The following COBL variants were observed in gnomAD, a reference collection of about 807,000 sequenced individuals.
COBL encodes the protein cordon-bleu WH2 repeat protein.
COBL carries 51 observed loss-of-function variants against 98.8 expected under a neutral mutation model. The observed-to-expected ratio is 0.52, with a 90% confidence interval of 0.41 to 0.65. The LOEUF is 0.65. COBL is among the 30% of genes least tolerant of loss of function. The pLI is 0.00. For missense variants in COBL, 1,617 were observed against 1,617.5 expected (o/e 1.00, Z 0.01); for synonymous variants, 634 against 651.7 (o/e 0.97, Z 0.41).
chr7:51,028,753 G>C lies in COBL; in HGVS notation c.2343C>G (p.Gly781=). ...CCCTGGCAGAGCTCTCTGAGGGTCG[G>C]CCCAGGTGTTTTTCCACAGAGTTGC... ...WRCNSVEKHL[G]RPSESSARGP... Residue 781 remains glycine, a synonymous_variant, in exon 10 of 13, where the codon GGC becomes GGG. Transcript: ENST00000265136. The C allele has an allele frequency of 6.2e-7, 1 of 1,614,186 alleles. No individual in the cohort carries two copies. Among genetic ancestry groups the C allele is most frequent in the Non-Finnish European group, 8.5e-7 (1 of 1,180,038 alleles).
At chr7:51,311,357 A>G (rs1169860930) in intron 1 of COBL, among the ~76,000 whole-genome samples, 1 of 152,212 alleles carries the variant, frequency 6.6e-6, no homozygotes, top group Non-Finnish European at 1.5e-5. Context: ...CTGGCTCAGA[A>G]GCACAGGGAT....
rs535829989 is a variant in COBL, at chr7:51,259,451, T to C, written c.42-39507A>G. The C allele has an allele frequency of 4.2e-5, 22 of 522,758 alleles. 1 individual carries two copies. The East Asian group carries it at 6.8e-4, about 16-fold the overall frequency. The allele number at this position is 522,758 out of a possible 1,614,324, so 32.4% of individuals were successfully genotyped here. A position where few individuals can be genotyped will look rare whatever the true frequency, so the allele number is the denominator to read the frequency against. Reference sequence around the variant, plus strand: ...GGTCTAGTTCAGCTGGTGGATGAGCTGATTGATGTGTTCACCCCGACAGCC... The same window carrying C: ...GGTCTAGTTCAGCTGGTGGATGAGCCGATTGATGTGTTCACCCCGACAGCC... On this transcript the variant is annotated intron_variant, in intron 1 of 12. Transcript: ENST00000265136.
chr7:51,207,106 A>G (rs1419100133), intron 2 of COBL, among the ~76,000 whole-genome samples: 1 of 152,230 alleles, frequency 6.6e-6, no homozygotes, highest in Non-Finnish European at 1.5e-5. Flanking sequence ...ATATATGTAT[A>G]TCAACATCAA....
intron 7 of COBL, among the ~76,000 whole-genome samples, chr7:51,045,103 G>A (rs541022188): frequency 2.0e-4 from 30 of 152,176 alleles, no homozygotes; most frequent in Non-Finnish European, 3.7e-4. Context: ...GACAAATATT[G>A]AGAAGAAACG....
chr7:51,239,672 T>C (rs142848176), intron 1 of COBL, among the ~76,000 whole-genome samples: 1 of 152,328 alleles, frequency 6.6e-6, no homozygotes, highest in Non-Finnish European at 1.5e-5. Flanking sequence ...GAACCTTTTC[T>C]TGGGGTTTGG....
chr7:51,224,363 T>C (rs1554437033), intron 1 of COBL, among the ~76,000 whole-genome samples: 1 of 80,978 alleles, frequency 1.2e-5, no homozygotes, highest in Non-Finnish European at 2.4e-5. Context: ...GAGATAGGAA[T>C]GAAAAAGAGA....
At chr7:51,210,105 T>C (rs574399791) in intron 2 of COBL, among the ~76,000 whole-genome samples, 6 of 152,268 alleles carry the variant, frequency 3.9e-5, no homozygotes, top group South Asian at 2.1e-4. Flanking sequence ...GTGTGCCAAA[T>C]GGATCTCCAC....
chr7:51,261,151 T>C (rs769130574), intron 1 of COBL, among the ~76,000 whole-genome samples: 6 of 152,108 alleles, frequency 3.9e-5, no homozygotes, highest in Non-Finnish European at 7.3e-5. Context: ...CTTACTCCTC[T>C]CTTCACTGAG....
At chr7:51,052,510 T>A (rs1440952625) in intron 7 of COBL, among the ~76,000 whole-genome samples, 1 of 152,194 alleles carries the variant, frequency 6.6e-6, no homozygotes, top group East Asian at 1.9e-4. Context: ...GGGCCTCACC[T>A]TTGAGGGAAG....
chr7:51,018,905 AATATATATATATATATAT>A lies in COBL; in HGVS notation c.3769-1355_3769-1338del, dbSNP rs71018490. Among the ~76,000 whole-genome samples the A allele has an allele frequency of 2.9e-4, 10 of 34,438 alleles. 1 individual carries two copies. The highest frequency in any genetic ancestry group is 2.7e-3 in the South Asian group (2 of 732). 22.6% of individuals were successfully genotyped at this position (34,438 alleles called of 152,430 possible). On this transcript the variant is annotated intron_variant, in intron 12 of 12. Coordinates refer to ENST00000265136, the MANE Select transcript of COBL (RefSeq NM_015198.5). The stretch of plus-strand genomic sequence containing the variant: ...AAACTCCATCTCAAAAAAAAAAAAA[AATATATATATATATATAT>A]ATATATATATATATATATATATATA...
At chr7:51,136,780 T>TG (rs1799278350) in intron 5 of COBL, among the ~76,000 whole-genome samples, 1 of 152,190 alleles carries the variant, frequency 6.6e-6, no homozygotes, top group African/African-American at 2.4e-5. Context: ...GTACTCCACT[T>TG]GTTGCCAGGA....
intron 6 of COBL, among the ~76,000 whole-genome samples, chr7:51,091,279 C>CGTT (rs1794786882): frequency 6.6e-6 from 1 of 151,950 alleles, no homozygotes; most frequent in East Asian, 1.9e-4. Flanking sequence ...AGAAAGACAG[C>CGTT]TAAACAAAAT....
At chr7:51,220,043 C>T in intron 1 of COBL, 99 bp from the exon 2 acceptor site, 2 of 1,153,234 alleles carry the variant, frequency 1.7e-6, no homozygotes, top group Non-Finnish European at 2.4e-6. Flanking sequence ...TCTTCAGGAG[C>T]ACCTTCCAAG....
intron 6 of COBL, among the ~76,000 whole-genome samples, chr7:51,129,486 C>T (rs1290975626): frequency 6.6e-6 from 1 of 151,654 alleles, no homozygotes; most frequent in Non-Finnish European, 1.5e-5. Context: ...AGATGACCCA[C>T]ACATGTTTGG....
intron 1 of COBL, among the ~76,000 whole-genome samples, chr7:51,273,327 C>CAAAAAAAAAAAAAAAAA (rs953811880): frequency 1.7e-5 from 1 of 59,476 alleles, no homozygotes; most frequent in Non-Finnish European, 3.9e-5. Context: ...GACTCCATCT[C>CAAAAAAAAAAAAAAAAA]AAAAAAAAAA....
chr7:51,303,436 C>T (rs546140643), intron 1 of COBL, among the ~76,000 whole-genome samples: 1 of 152,200 alleles, frequency 6.6e-6, no homozygotes, highest in South Asian at 2.1e-4. Context: ...CCTGACTTGA[C>T]CATGCATGCA....
Position 51,280,893 on chromosome 7 carries a change from A to G in COBL, c.41+35700T>C, listed in dbSNP as rs117315976. On this transcript the variant is annotated intron_variant, in intron 1 of 12. Coordinates refer to ENST00000265136, the MANE Select transcript of COBL (RefSeq NM_015198.5). ...AGGGCCCAGCAGAAATTTAAACACG[A>G]ACCCAACTAGGTCAATTGCCAGATT... Among the ~76,000 whole-genome samples, 1,114 of 152,290 alleles carry G rather than the reference A, an allele frequency of 7.3e-3. 8 individuals are homozygous for G. The highest frequency in any genetic ancestry group is 0.013 in the Non-Finnish European group (878 of 68,024).
chr7:51,137,789 C>A (rs888727792), intron 5 of COBL, among the ~76,000 whole-genome samples: 5 of 152,120 alleles, frequency 3.3e-5, no homozygotes, highest in Admixed American at 1.3e-4. Flanking sequence ...GCCCTTCAGT[C>A]AACCTTCCTG....
chr7:51,208,584 G>A (rs901187982), intron 2 of COBL, among the ~76,000 whole-genome samples: 2 of 152,260 alleles, frequency 1.3e-5, no homozygotes, highest in Non-Finnish European at 2.9e-5. Flanking sequence ...ATTGAGAACG[G>A]GCCATGATGA....
Sources: allele counts gnomAD v4.1 joint callset (sites outside exome capture counted in the v4.1 genomes callset), GRCh38; gene constraint gnomAD v4.1.1; transcripts MANE v1.5; gene names NCBI Gene and HGNC (gene_info 2026-07-23, HGNC 2026-07-21).